Variants in KMT2C observed in about 807,000 individuals in gnomAD.
KMT2C encodes histone-lysine N-methyltransferase 2C.
KMT2C carries 88 observed loss-of-function variants against 507.9 expected under a neutral mutation model. That is an observed-to-expected ratio of 0.17 (90% CI 0.15 to 0.21). The LOEUF (loss-of-function observed/expected upper bound fraction) is 0.21. Among genes scored for constraint, KMT2C ranks in the 10% least tolerant of loss-of-function variants. The pLI is 1.00. For missense variants in KMT2C, 4,954 were observed against 5,957.8 expected (o/e 0.83, Z 5.55); for synonymous variants, 2,049 against 2,080.8 (o/e 0.98, Z 0.42).
intron 23 of KMT2C, among the ~76,000 whole-genome samples, chr7:152,211,822 G>A (rs1225932929): frequency 6.6e-6 from 1 of 151,934 alleles, no homozygotes; most frequent in Non-Finnish European, 1.5e-5. Context: ...GCTGAGGCGG[G>A]CGGATCACGA....
chr7:152,263,244 A>G (rs2129172488), intron 8 of KMT2C, 114 bp from the exon 9 acceptor site: 1 of 819,614 alleles, frequency 1.2e-6, no homozygotes, highest in Non-Finnish European at 1.9e-6. Context: ...ATACCTCAGT[A>G]TCTGTTTTGT....
intron 31 of KMT2C, 28 bp from the exon 32 acceptor site, chr7:152,187,875 C>T: frequency 6.2e-7 from 1 of 1,611,456 alleles, no homozygotes; most frequent in Non-Finnish European, 8.5e-7. Flanking sequence ...ATTCCGTTGG[C>T]ATGATATTCA....
chr7:152,140,662 T>G (rs2090432786), intron 55 of KMT2C, among the ~76,000 whole-genome samples: 1 of 152,184 alleles, frequency 6.6e-6, no homozygotes, highest in Admixed American at 6.5e-5. Context: ...AGAATTGAAC[T>G]GAATTCTAGA....
At position 152,163,210 on chromosome 7, in the gene KMT2C, G is replaced by T; in HGVS notation, c.10367C>A (p.Ser3456Tyr). ...TSVSQIPFYS[S>Y]DLPCDFMQPL... is the part of the protein sequence containing the mutation. The stretch of plus-strand genomic sequence containing the variant: ...TTGCATAAAATCACAAGGTAAGTCG[G>T]AACTGTAGAAGGGAATCTGGGACAC... Residue 3456 changes from serine to tyrosine, a missense_variant, in exon 43 of 59, where the codon TCC becomes TAC. Ser to Tyr is a moderately radical substitution (Grantham distance 144). Coordinates refer to ENST00000262189, the MANE Select transcript of KMT2C (RefSeq NM_170606.3). 6.2e-7 allele frequency: 1 copy of T among 1,614,114 alleles called. No homozygotes were observed. The highest frequency in any genetic ancestry group is 8.5e-7 in the Non-Finnish European group (1 of 1,180,020).
In KMT2C at chr7:152,176,752, G is replaced by T. The variant is rs1275807000; in HGVS notation, c.8701C>A (p.Pro2901Thr). The T allele has an allele frequency of 1.2e-6, 2 of 1,614,070 alleles. No homozygotes were observed. Among genetic ancestry groups the T allele is most frequent in the African/African-American group, 2.7e-5 (2 of 74,928 alleles). The stretch of plus-strand genomic sequence containing the variant: ...CAAGAGTTTATTACATCTTGAGCAG[G>T]TAGTTGAGTGGATGCCTGAATGACA... Reference protein sequence around the residue: ...ANVIQASTQLPAQDVINSCGI... With the variant: ...ANVIQASTQLTAQDVINSCGI... Residue 2901 changes from proline (P) to threonine (T), a missense_variant, in exon 38 of 59, where the codon CCT becomes ACT. This residue lies in a region of KMT2C where 1,689 missense variants were observed against 1,654.3 expected (regional missense o/e 1.02). Transcript: ENST00000262189.
chr7:152,245,981 A>T (rs149097152), intron 14 of KMT2C, among the ~76,000 whole-genome samples: 286 of 152,318 alleles, frequency 1.9e-3, no homozygotes, highest in African/African-American at 6.5e-3. Flanking sequence ...TGTAGAAGAA[A>T]CAGTAAATAA....
chr7:152,408,641 A>G (rs2097647912), intron 1 of KMT2C, among the ~76,000 whole-genome samples: 2 of 152,100 alleles, frequency 1.3e-5, no homozygotes, highest in African/African-American at 4.8e-5. Flanking sequence ...CATGCTTCTT[A>G]TGAGAATCTA....
rs112800369 is a variant in KMT2C, at chr7:152,135,511, CTTTTT to C, written c.*1316_*1320del. ...GCAGCTGTAAGCATAATCACATCTCCTTTTTTTTTTTAACTTTTTCAAATTTTTGT... is the reference window on the plus strand; with the variant it reads ...GCAGCTGTAAGCATAATCACATCTCCTTTTTTAACTTTTTCAAATTTTTGT... On this transcript the variant is annotated 3_prime_UTR_variant, in exon 59 of 59. Coordinates refer to ENST00000262189, the MANE Select transcript of KMT2C (RefSeq NM_170606.3). The C allele has an allele frequency of 3.0e-5, 6 of 201,306 alleles. No homozygotes were observed. The highest frequency in any genetic ancestry group is 7.0e-5 in the African/African-American group (3 of 42,782). 12.5% of individuals were successfully genotyped at this position (201,306 alleles called of 1,614,324 possible). A position where few individuals can be genotyped will look rare whatever the true frequency, so the allele number is the denominator to read the frequency against.
At chr7:152,312,714 C>T (rs2096684058) in intron 4 of KMT2C, among the ~76,000 whole-genome samples, 1 of 152,148 alleles carries the variant, frequency 6.6e-6, no homozygotes, top group South Asian at 2.1e-4. Flanking sequence ...CAAGGTCTAA[C>T]ACTTTAGGTA....
intron 6 of KMT2C, among the ~76,000 whole-genome samples, chr7:152,305,742 G>A (rs1001277334): frequency 3.3e-5 from 5 of 152,118 alleles, no homozygotes; most frequent in Non-Finnish European, 7.4e-5. Context: ...CCTTCAGGTA[G>A]GTTCCCGTGC....
Position 152,234,590 on chromosome 7 carries a change from G to A in KMT2C, c.2769+1227C>T, listed in dbSNP as rs1001475632. ...AGTTATGCTGATACCAAAACCAGACGAAGACATTACAAGAATGTAAGACTA... is the reference window on the plus strand; with the variant it reads ...AGTTATGCTGATACCAAAACCAGACAAAGACATTACAAGAATGTAAGACTA... On this transcript the variant is annotated intron_variant, in intron 16 of 58. Transcript: ENST00000262189. Among the ~76,000 whole-genome samples the A allele has an allele frequency of 1.7e-4, 26 of 152,120 alleles. No individual in the cohort carries two copies. The South Asian group carries it at 2.5e-3, about 15-fold the overall frequency.
chr7:152,414,979 G>A (rs1167850106), intron 1 of KMT2C, among the ~76,000 whole-genome samples: 3 of 151,928 alleles, frequency 2.0e-5, no homozygotes, highest in Admixed American at 6.6e-5. Context: ...CTCCCAAACA[G>A]CTGAGGCAAC....
At chr7:152,161,152 G>A (rs1289162866) in intron 43 of KMT2C, among the ~76,000 whole-genome samples, 1 of 152,074 alleles carries the variant, frequency 6.6e-6, no homozygotes, top group Non-Finnish European at 1.5e-5. Flanking sequence ...ATATTTACTG[G>A]TGACAACTGT....
intron 1 of KMT2C, among the ~76,000 whole-genome samples, chr7:152,369,214 T>C (rs1399021149): frequency 6.6e-6 from 1 of 151,888 alleles, no homozygotes; most frequent in African/African-American, 2.4e-5. Context: ...TCCCAGTTAC[T>C]TGGGAGGCTG....
At chr7:152,183,247 GA>G (rs1447918711) in intron 34 of KMT2C, 91 bp from the exon 35 acceptor site, 4 of 1,079,430 alleles carry the variant, frequency 3.7e-6, no homozygotes, top group Non-Finnish European at 5.2e-6. Context: ...TCAAATAAAA[GA>G]AAAAAAAGTC....
At chr7:152,326,981 A>T (rs1194244450) in intron 3 of KMT2C, among the ~76,000 whole-genome samples, 1 of 152,234 alleles carries the variant, frequency 6.6e-6, no homozygotes, top group Non-Finnish European at 1.5e-5. Flanking sequence ...ATAAAGGTCA[A>T]AAAGTCGGAG....
intron 3 of KMT2C, among the ~76,000 whole-genome samples, chr7:152,326,610 G>T (rs1443224229): frequency 6.6e-6 from 1 of 152,154 alleles, no homozygotes; most frequent in Non-Finnish European, 1.5e-5. Flanking sequence ...GCCGGGGACG[G>T]TGGCTCACGC....
Position 152,227,808 on chromosome 7 carries a change from A to G in KMT2C, c.2976+2115T>C, listed in dbSNP as rs1563485722. Among the ~76,000 whole-genome samples, 13 of 152,342 alleles carry G rather than the reference A, an allele frequency of 8.5e-5. No individual in the cohort carries two copies. The South Asian group carries it at 2.7e-3, about 32-fold the overall frequency. ...CCCACAACCAGGGGAAAGTACATCT[A>G]CTGGGAATTTGTAAGCTGCACAATT... On this transcript the variant is annotated intron_variant, in intron 18 of 58. Coordinates refer to ENST00000262189, the MANE Select transcript of KMT2C (RefSeq NM_170606.3).
rs376695326 is a variant in KMT2C at position 152,425,104 on chromosome 7, A to T, written c.161+10522T>A. 2.6e-5 allele frequency among the ~76,000 whole-genome samples: 4 copies of T among 152,348 alleles called. No homozygotes were observed. In the South Asian group the frequency reaches 8.3e-4, roughly 32 times the overall value. On this transcript the variant is annotated intron_variant, in intron 1 of 58. Coordinates refer to ENST00000262189, the MANE Select transcript of KMT2C (RefSeq NM_170606.3). ...CTATGGGTCTACACCAATACAGTAG[A>T]CTACCATCTCCTTTATTTACTGTAA...
Sources: allele counts gnomAD v4.1 joint callset (sites outside exome capture counted in the v4.1 genomes callset), GRCh38; gene constraint gnomAD v4.1.1; regional missense constraint gnomAD v4.1.1; transcripts MANE v1.5; gene names NCBI Gene and HGNC (gene_info 2026-07-23, HGNC 2026-07-21).